Variants in KDM4C observed in about 807,000 individuals in gnomAD.
KDM4C encodes the protein lysine-specific demethylase 4C.
A neutral mutation model predicts 129.3 loss-of-function variants in KDM4C; 81 were observed. The observed-to-expected ratio is 0.63, with a 90% CI of 0.52 to 0.75. The LOEUF (loss-of-function observed/expected upper bound fraction) is 0.75, where lower values mean the gene tolerates loss of function less well. KDM4C is among the 30% of genes least tolerant of loss of function. The pLI is 0.00. For synonymous variants in KDM4C, 573 were observed against 456.1 expected (o/e 1.26, Z -3.26); for missense variants, 1,457 against 1,304.0 (o/e 1.12, Z -1.81).
At chr9:6,745,598 A>T (rs12346147) in intron 1 of KDM4C, among the ~76,000 whole-genome samples, 43,478 of 145,350 alleles carry the variant, frequency 0.3, 7,304 homozygotes, top group African/African-American at 0.44. Flanking sequence ...AAAAAAAAAA[A>T]TGCCATACTA....
intron 8 of KDM4C, among the ~76,000 whole-genome samples, chr9:6,907,280 CATGGTTAATGCT>C (rs1818485697): frequency 6.6e-6 from 1 of 152,132 alleles, no homozygotes; most frequent in Non-Finnish European, 1.5e-5. Context: ...GAAAGATAAA[CATGGTTAATGCT>C]ATGGCCAGAG....
At chr9:6,818,062 G>A (rs1832447982) in intron 4 of KDM4C, among the ~76,000 whole-genome samples, 1 of 152,132 alleles carries the variant, frequency 6.6e-6, no homozygotes, top group African/African-American at 2.4e-5. Context: ...ACCGCACCCT[G>A]CCCAGGAATA....
chr9:7,155,531 C>T (rs1197883181), intron 19 of KDM4C, among the ~76,000 whole-genome samples: 3 of 152,084 alleles, frequency 2.0e-5, no homozygotes, highest in African/African-American at 4.8e-5. Flanking sequence ...CAACAGGCCC[C>T]GGTGTGTGAT....
chr9:7,073,260 T>C (rs1034334063), intron 17 of KDM4C, among the ~76,000 whole-genome samples: 4 of 152,244 alleles, frequency 2.6e-5, no homozygotes, highest in African/African-American at 9.6e-5. Context: ...AATTAGATAT[T>C]ACAGTTTCTA....
At position 7,024,903 on chromosome 9, in the gene KDM4C, C is replaced by T. The variant is rs944795034; in HGVS notation, c.2259+8974C>T. Among the ~76,000 whole-genome samples the T allele has an allele frequency of 5.9e-5, 9 of 152,284 alleles. No homozygotes were observed. In the South Asian group the frequency reaches 8.3e-4, roughly 14 times the overall value. ...TTGTAGTTCTAGATCCCTGAGGAATCGCCACACCAACTTCCACAGTGGTTG... is the reference window on the plus strand; with the variant it reads ...TTGTAGTTCTAGATCCCTGAGGAATTGCCACACCAACTTCCACAGTGGTTG... On this transcript the variant is annotated intron_variant, in intron 15 of 21. Transcript: ENST00000381309.
intron 20 of KDM4C, among the ~76,000 whole-genome samples, chr9:7,167,358 G>C (rs1465449612): frequency 1.3e-5 from 2 of 152,104 alleles, no homozygotes; most frequent in Non-Finnish European, 2.9e-5. Flanking sequence ...GGTTACCCTA[G>C]TCCTAGCACA....
At chr9:7,076,804 G>A (rs1833975067) in intron 17 of KDM4C, 2 of 1,037,788 alleles carry the variant, frequency 1.9e-6, no homozygotes, top group Non-Finnish European at 2.3e-6. Context: ...TTAGTCCAAC[G>A]TGTCCTACTA....
At chr9:7,147,812 A>G (rs1842349534) in intron 19 of KDM4C, among the ~76,000 whole-genome samples, 1 of 152,194 alleles carries the variant, frequency 6.6e-6, no homozygotes, top group Non-Finnish European at 1.5e-5. Context: ...TTATCTGTAA[A>G]TTGGAGATAG....
intron 3 of KDM4C, among the ~76,000 whole-genome samples, chr9:6,806,207 C>T (rs1829931212): frequency 2.0e-5 from 3 of 152,056 alleles, no homozygotes; most frequent in Admixed American, 2.0e-4. Context: ...CAAATTATCC[C>T]AAATTGGCCA....
chr9:6,752,692 C>T (rs144105520), upstream of KDM4C, among the ~76,000 whole-genome samples: 349 of 152,044 alleles, frequency 2.3e-3, no homozygotes, highest in Non-Finnish European at 3.8e-3. Context: ...CGTAAGCCAC[C>T]GCGCTCAGCC....
At chr9:6,785,297 T>C (rs1006580481) in intron 1 of KDM4C, among the ~76,000 whole-genome samples, 2 of 151,920 alleles carry the variant, frequency 1.3e-5, no homozygotes, top group Admixed American at 1.3e-4. Flanking sequence ...TGCCTCCATC[T>C]TCACATGGCA....
At chr9:7,028,703 C>G (rs1023353678) in intron 15 of KDM4C, among the ~76,000 whole-genome samples, 3 of 152,012 alleles carry the variant, frequency 2.0e-5, no homozygotes, top group Non-Finnish European at 4.4e-5. Context: ...ATTTCGCACC[C>G]CAGAGTACTC....
At chr9:6,812,212 G>A (rs964379128) in intron 3 of KDM4C, among the ~76,000 whole-genome samples, 1 of 151,542 alleles carries the variant, frequency 6.6e-6, no homozygotes. Flanking sequence ...ACTCCAGCCT[G>A]GGTGACAGAA....
At chr9:7,100,765 T>C (rs1587640790) in intron 17 of KDM4C, among the ~76,000 whole-genome samples, 2 of 145,192 alleles carry the variant, frequency 1.4e-5, no homozygotes, top group Admixed American at 1.4e-4. Context: ...TTCTTTCTTT[T>C]TTCTTTTCTT....
chr9:6,996,912 T>G (rs1819859871), intron 12 of KDM4C, among the ~76,000 whole-genome samples: 2 of 152,236 alleles, frequency 1.3e-5, no homozygotes, highest in Non-Finnish European at 2.9e-5. Context: ...GAGTGGGTTA[T>G]CTGATAATAC....
At chr9:7,126,021 TCAAAA>T (rs1407581591) in intron 18 of KDM4C, among the ~76,000 whole-genome samples, 1 of 152,164 alleles carries the variant, frequency 6.6e-6, no homozygotes, top group African/African-American at 2.4e-5. Context: ...ATCTTGAAAA[TCAAAA>T]CAAACAACCC....
intron 19 of KDM4C, among the ~76,000 whole-genome samples, chr9:7,141,416 G>A (rs1056639509): frequency 6.6e-6 from 1 of 152,188 alleles, no homozygotes; most frequent in Non-Finnish European, 1.5e-5. Context: ...CCTGAATACT[G>A]GGAGGCCAGT....
rs1168261419 is a variant in KDM4C, at chr9:6,893,143, C to T, written c.832C>T (p.His278Tyr). 2 of 1,602,102 alleles carry T rather than the reference C, an allele frequency of 1.2e-6. No homozygotes were observed. The highest frequency in any genetic ancestry group is 2.3e-5 in the East Asian group (1 of 44,024). ...CATGATCACTTTCCCATATGGCTACCATGCTGGTTTTAATCATGGTTTCAA... is the reference window on the plus strand; with the variant it reads ...CATGATCACTTTCCCATATGGCTACTATGCTGGTTTTAATCATGGTTTCAA... ...EFMITFPYGYHAGFNHGFNCA... is the reference protein window; with the variant it reads ...EFMITFPYGYYAGFNHGFNCA... The change falls in exon 8 of 22, where the codon CAT becomes TAT. Residue 278 changes from histidine (H) to tyrosine (Y), a missense_variant. Physicochemically the swap from His to Tyr is moderately conservative, Grantham distance 83. Coordinates refer to ENST00000381309, the MANE Select transcript of KDM4C (RefSeq NM_015061.6).
chr9:6,901,715 A>G (rs572248406), intron 8 of KDM4C, among the ~76,000 whole-genome samples: 13 of 152,348 alleles, frequency 8.5e-5, no homozygotes, highest in African/African-American at 2.6e-4. Flanking sequence ...AAAGAAAAAG[A>G]TGGAAGAAAG....
Sources: gnomAD v4.1 joint callset for allele counts (sites outside exome capture counted in the v4.1 genomes callset) on GRCh38, gnomAD v4.1.1 for gene constraint, MANE v1.5 for transcripts, NCBI Gene and HGNC (gene_info 2026-07-23, HGNC 2026-07-21) for gene names.